Variants in COL5A2 observed in about 807,000 individuals in gnomAD.
COL5A2 encodes the protein collagen type V alpha 2 chain, also known as collagen alpha-2(V) chain.
In COL5A2, 23 loss-of-function variants were observed where a neutral mutation model predicts 208.2. That is an observed-to-expected ratio of 0.11 (90% CI 0.08 to 0.16). The LOEUF (loss-of-function observed/expected upper bound fraction) is 0.16, where lower values mean the gene tolerates loss of function less well. Among genes scored for constraint, COL5A2 ranks in the 10% least tolerant of loss-of-function variants. The pLI, the probability that COL5A2 is intolerant of heterozygous loss-of-function variation, is 1.00. For synonymous variants in COL5A2, 625 were observed against 628.5 expected, an observed-to-expected ratio of 0.99 and a Z score of 0.08; for missense variants, 1,590 against 1,956.4, an observed-to-expected ratio of 0.81 and a Z score of 3.53.
At chr2:189,241,153 C>A in the COL5A2 span, among the ~76,000 whole-genome samples, 1 of 152,156 alleles carries the variant, frequency 6.6e-6, no homozygotes, top group Non-Finnish European at 1.5e-5. Flanking sequence ...CACCACATAT[C>A]CTCATTATTC....
chr2:189,437,709 T>A, the COL5A2 span, among the ~76,000 whole-genome samples: 2 of 152,134 alleles, frequency 1.3e-5, no homozygotes, highest in African/African-American at 4.8e-5. Flanking sequence ...TTCAGCATCA[T>A]AGGAAACCTA....
At chr2:189,415,043 T>G in the COL5A2 span, among the ~76,000 whole-genome samples, 1 of 152,160 alleles carries the variant, frequency 6.6e-6, no homozygotes, top group African/African-American at 2.4e-5. Context: ...AACTCTGGAC[T>G]GGGTTTATCT....
chr2:189,039,316 C>T lies in COL5A2; in HGVS notation c.3881G>A (p.Arg1294His), dbSNP rs150063612. 14 of 1,614,072 alleles carry T rather than the reference C, an allele frequency of 8.7e-6. No individual in the cohort carries two copies. Among genetic ancestry groups the T allele is most frequent in the Admixed American group, 6.7e-5 (4 of 60,020 alleles). Residue 1294 changes from arginine to histidine, a missense_variant, in exon 51 of 54, where the codon CGC becomes CAC. Physicochemically the swap from Arg to His is conservative, Grantham distance 29 (BLOSUM62 0). Transcript: ENST00000374866. Reference protein sequence around the residue: ...SPDGSKKHPARTCDDLKLCHS... With the variant: ...SPDGSKKHPAHTCDDLKLCHS... Reference sequence around the variant, plus strand: ...GCAAAGCTTTAGGTCATCACACGTGCGGGCTGGGTGCTTTTTCGAGCCATC... The same window carrying T: ...GCAAAGCTTTAGGTCATCACACGTGTGGGCTGGGTGCTTTTTCGAGCCATC...
chr2:189,260,525 C>T, the COL5A2 span, among the ~76,000 whole-genome samples: 9 of 152,156 alleles, frequency 5.9e-5, no homozygotes, highest in South Asian at 4.2e-4. Context: ...AAGCTCAATC[C>T]GGCAAAGGCT....
At chr2:189,187,752 C>T (rs376088751) in intron 1 of COL5A2, among the ~76,000 whole-genome samples, 1 of 151,988 alleles carries the variant, frequency 6.6e-6, no homozygotes, top group African/African-American at 2.4e-5. Flanking sequence ...GGGCAGATCA[C>T]GAGTCAGGAG....
chr2:189,290,493 G>C, the COL5A2 span, among the ~76,000 whole-genome samples: 1 of 152,150 alleles, frequency 6.6e-6, no homozygotes, highest in Non-Finnish European at 1.5e-5. Flanking sequence ...AGTCAAATAC[G>C]TTGAAGACGT....
chr2:189,206,440 C>T (rs1689144966), intron 1 of COL5A2, among the ~76,000 whole-genome samples: 1 of 152,162 alleles, frequency 6.6e-6, no homozygotes, highest in South Asian at 2.1e-4. Flanking sequence ...TTTAGACCAA[C>T]TGCATGCTGA....
the COL5A2 span, among the ~76,000 whole-genome samples, chr2:189,358,524 T>C: frequency 6.6e-6 from 1 of 152,214 alleles, no homozygotes; most frequent in Non-Finnish European, 1.5e-5. Context: ...CCCAGCTTTG[T>C]TCTTTTTGCT....
rs764671032 is a variant in COL5A2 at position 189,052,958 on chromosome 2, C to A, written c.2614G>T (p.Ala872Ser). 5.6e-6 allele frequency: 9 copies of A among 1,614,042 alleles called. No homozygotes were observed. The African/African-American group carries it at 6.7e-5, about 12-fold the overall frequency. Residue 872 changes from alanine to serine, a missense_variant, in exon 39 of 54, where the codon GCT becomes TCT. Coordinates refer to ENST00000374866, the MANE Select transcript of COL5A2 (RefSeq NM_000393.5). ...EPGEPGQKGDAGSPGPQGLAG... is the reference protein window; with the variant it reads ...EPGEPGQKGDSGSPGPQGLAG... ...AAACCTTGTGGTCCAGGAGAACCAG[C>A]ATCTCCCTTCTGTCCTGGCTCTCCA...
chr2:189,230,103 A>C (rs898663947), upstream of COL5A2, among the ~76,000 whole-genome samples: 1 of 151,886 alleles, frequency 6.6e-6, no homozygotes, highest in Non-Finnish European at 1.5e-5. Flanking sequence ...TGTGTTTAAC[A>C]AGTTATGTTG....
chr2:189,417,871 T>C, the COL5A2 span, among the ~76,000 whole-genome samples: 1 of 152,026 alleles, frequency 6.6e-6, no homozygotes, highest in Non-Finnish European at 1.5e-5. Context: ...CACAATACTT[T>C]CTTCATTCAT....
intron 6 of COL5A2, among the ~76,000 whole-genome samples, chr2:189,096,642 A>T (rs942218767): frequency 5.3e-5 from 8 of 150,050 alleles, no homozygotes; most frequent in Non-Finnish European, 1.2e-4. Flanking sequence ...AAAAAAAGAA[A>T]AAAAAAGTTG....
At chr2:189,215,507 T>C (rs1174590308) in intron 1 of COL5A2, among the ~76,000 whole-genome samples, 1 of 152,174 alleles carries the variant, frequency 6.6e-6, no homozygotes, top group Non-Finnish European at 1.5e-5. Context: ...CTTTGATATA[T>C]TGGATTAAAT....
At chr2:189,124,181 T>A (rs935358298) in intron 1 of COL5A2, among the ~76,000 whole-genome samples, 1 of 152,164 alleles carries the variant, frequency 6.6e-6, no homozygotes, top group African/African-American at 2.4e-5. Context: ...TAAAATATAC[T>A]AAGATTGCGA....
chr2:189,324,070 C>T, the COL5A2 span, among the ~76,000 whole-genome samples: 1 of 151,962 alleles, frequency 6.6e-6, no homozygotes, highest in South Asian at 2.1e-4. Flanking sequence ...AAGAAATGGG[C>T]AAAGGATTCC....
At chr2:189,077,172 T>C (rs1420346440) in intron 16 of COL5A2, among the ~76,000 whole-genome samples, 2 of 152,272 alleles carry the variant, frequency 1.3e-5, no homozygotes, top group East Asian at 3.9e-4. Flanking sequence ...AGTTCTCTCT[T>C]GTTGAAGATG....
chr2:189,226,685 G>A (rs142820624), upstream of COL5A2, among the ~76,000 whole-genome samples: 505 of 152,234 alleles, frequency 3.3e-3, no homozygotes, highest in African/African-American at 0.012. Context: ...AAAGAACTGG[G>A]TGTATGCTGC....
intron 1 of COL5A2, among the ~76,000 whole-genome samples, chr2:189,149,510 A>G (rs1479178455): frequency 2.6e-5 from 4 of 152,204 alleles, no homozygotes; most frequent in African/African-American, 9.6e-5. Context: ...GTCACATGGA[A>G]TGCAATTTCA....
chr2:189,379,826 A>C, the COL5A2 span, among the ~76,000 whole-genome samples: 1 of 152,142 alleles, frequency 6.6e-6, no homozygotes, highest in African/African-American at 2.4e-5. Context: ...GACTCCTTTC[A>C]TAACTCTGCT....
Sources: allele counts gnomAD v4.1 joint callset (sites outside exome capture counted in the v4.1 genomes callset), GRCh38; gene constraint gnomAD v4.1.1; transcripts MANE v1.5; gene names NCBI Gene and HGNC (gene_info 2026-07-23, HGNC 2026-07-21).